CYRIA: variants seen among roughly 807,000 people sequenced by gnomAD.
CYRIA encodes the protein CYFIP related Rac1 interactor A, also known as CYFIP-related Rac1 interactor A.
CYRIA carries 15 observed loss-of-function variants against 43.9 expected under a neutral mutation model. That is an observed-to-expected ratio of 0.34 (90% CI 0.23 to 0.53). The LOEUF (loss-of-function observed/expected upper bound fraction) is 0.53. Ranked by LOEUF, CYRIA falls within the 20% of genes least tolerant of loss-of-function variation. The pLI is 0.94. For missense variants in CYRIA, 236 were observed against 394.2 expected (o/e 0.60, Z 3.40); for synonymous variants, 117 against 136.0 (o/e 0.86, Z 0.97).
chr2:16,619,523 C>T (rs1171761860), intron 2 of CYRIA, among the ~76,000 whole-genome samples: 2 of 152,186 alleles, frequency 1.3e-5, no homozygotes, highest in East Asian at 3.9e-4. Context: ...CTGCATTTTA[C>T]CACCAGAGAG....
At chr2:16,582,671 A>C (rs1186870041) in intron 3 of CYRIA, among the ~76,000 whole-genome samples, 1 of 152,214 alleles carries the variant, frequency 6.6e-6, no homozygotes, top group Non-Finnish European at 1.5e-5. Context: ...AGGTTCATCC[A>C]TGTCATATCA....
intron 1 of CYRIA, among the ~76,000 whole-genome samples, chr2:16,652,923 C>T (rs1372310332): frequency 6.6e-6 from 1 of 152,218 alleles, no homozygotes; most frequent in Non-Finnish European, 1.5e-5. Flanking sequence ...TGGGGATTTA[C>T]AGCCAGCATT....
At chr2:16,612,984 T>C (rs2103493779) in intron 2 of CYRIA, among the ~76,000 whole-genome samples, 1 of 152,354 alleles carries the variant, frequency 6.6e-6, no homozygotes, top group Admixed American at 6.5e-5. Context: ...CCGCACAAGC[T>C]TTCTTGCCTG....
At chr2:16,575,734 T>C (rs1170667736) in intron 3 of CYRIA, among the ~76,000 whole-genome samples, 1 of 152,040 alleles carries the variant, frequency 6.6e-6, no homozygotes, top group East Asian at 1.9e-4. Context: ...CGGGCGCCTG[T>C]AGTCCCAGCT....
chr2:16,647,947 C>T (rs561308417), intron 1 of CYRIA, among the ~76,000 whole-genome samples: 54 of 152,316 alleles, frequency 3.5e-4, no homozygotes, highest in African/African-American at 9.4e-4. Context: ...TTGAGGCCCA[C>T]GGCCCTGTCC....
chr2:16,638,931 A>G (rs998608249), intron 1 of CYRIA, among the ~76,000 whole-genome samples: 3 of 152,210 alleles, frequency 2.0e-5, no homozygotes, highest in Non-Finnish European at 4.4e-5. Flanking sequence ...CAAAAGTGTT[A>G]TAAGAATAAA....
intron 1 of CYRIA, among the ~76,000 whole-genome samples, chr2:16,655,784 T>A (rs74785594): frequency 0.07 from 10,649 of 152,154 alleles, 639 homozygotes; most frequent in African/African-American, 0.17. Flanking sequence ...CTTTTTTTTT[T>A]AAACCTGAAT....
At chr2:16,581,134 GA>G (rs1234639880) in intron 3 of CYRIA, among the ~76,000 whole-genome samples, 1 of 152,194 alleles carries the variant, frequency 6.6e-6, no homozygotes, top group East Asian at 1.9e-4. Context: ...TTCCATTCAT[GA>G]AAAGATATCA....
intron 2 of CYRIA, among the ~76,000 whole-genome samples, chr2:16,600,771 T>C (rs1668177257): frequency 6.6e-6 from 1 of 152,212 alleles, no homozygotes; most frequent in African/African-American, 2.4e-5. Flanking sequence ...CTTGAAGCTT[T>C]CACACACTTT....
chr2:16,566,486 C>T (rs1666936808), intron 3 of CYRIA, among the ~76,000 whole-genome samples: 1 of 152,158 alleles, frequency 6.6e-6, no homozygotes. Flanking sequence ...CATTCCTGAA[C>T]ACATGGGTAT....
chr2:16,640,191 A>G (rs1255658290), intron 1 of CYRIA, among the ~76,000 whole-genome samples: 2 of 152,216 alleles, frequency 1.3e-5, no homozygotes, highest in Non-Finnish European at 2.9e-5. Flanking sequence ...TATCATCAGC[A>G]ATCCTACCAA....
At chr2:16,555,587 G>T (rs909307869) in intron 10 of CYRIA, among the ~76,000 whole-genome samples, 1 of 152,046 alleles carries the variant, frequency 6.6e-6, no homozygotes, top group African/African-American at 2.4e-5. Flanking sequence ...AATGTTTTCT[G>T]TCCTTCACCT....
intron 2 of CYRIA, among the ~76,000 whole-genome samples, chr2:16,593,536 G>C (rs1668000645): frequency 6.6e-6 from 1 of 151,982 alleles, no homozygotes; most frequent in Non-Finnish European, 1.5e-5. Flanking sequence ...ATGTAAGTTT[G>C]TGATAGAGGC....
At chr2:16,604,518 T>C (rs909557815) in intron 2 of CYRIA, among the ~76,000 whole-genome samples, 1 of 152,206 alleles carries the variant, frequency 6.6e-6, no homozygotes, top group African/African-American at 2.4e-5. Flanking sequence ...AGAACCCCGT[T>C]TACAACATGT....
intron 3 of CYRIA, among the ~76,000 whole-genome samples, chr2:16,571,379 G>A (rs1572466874): frequency 6.6e-6 from 1 of 152,184 alleles, no homozygotes; most frequent in East Asian, 1.9e-4. Context: ...TGGAGAAGAA[G>A]GTGGCTATGT....
intron 2 of CYRIA, among the ~76,000 whole-genome samples, chr2:16,614,863 C>T (rs2103496889): frequency 6.6e-6 from 1 of 152,316 alleles, no homozygotes; most frequent in African/African-American, 2.4e-5. Flanking sequence ...TTTGCTGGCT[C>T]TTACTCATCT....
At chr2:16,593,716 GT>G (rs1558418699) in intron 2 of CYRIA, among the ~76,000 whole-genome samples, 10 of 87,144 alleles carry the variant, frequency 1.1e-4, no homozygotes, top group Non-Finnish European at 2.4e-4. Flanking sequence ...TTGTGTGTGT[GT>G]GTTTTTTTTT....
chr2:16,620,532 G>C (rs1243324869), intron 2 of CYRIA, among the ~76,000 whole-genome samples: 2 of 152,068 alleles, frequency 1.3e-5, no homozygotes, highest in Admixed American at 6.6e-5. Context: ...ATATGAAAGA[G>C]GTATAAAATA....
At chr2:16,657,086 C>T (rs1670136197) in intron 1 of CYRIA, among the ~76,000 whole-genome samples, 2 of 152,230 alleles carry the variant, frequency 1.3e-5, no homozygotes, top group South Asian at 2.1e-4. Context: ...ACGTCCTAGC[C>T]TCCATGTCTT....
Sources: allele counts gnomAD v4.1 joint callset (sites outside exome capture counted in the v4.1 genomes callset), GRCh38; gene constraint gnomAD v4.1.1; transcripts MANE v1.5; gene names NCBI Gene and HGNC (gene_info 2026-07-23, HGNC 2026-07-21).